SLC36A1: variants seen among roughly 807,000 people sequenced by gnomAD.
SLC36A1 encodes the protein proton-coupled amino acid transporter 1.
Under a neutral mutation model 47.5 loss-of-function variants are expected in SLC36A1, and 30 were observed. The observed-to-expected ratio is 0.63, with a 90% CI of 0.47 to 0.86. The LOEUF (loss-of-function observed/expected upper bound fraction) is 0.86. SLC36A1 is among the 40% of genes least tolerant of loss of function. The probability of loss-of-function intolerance (pLI) is 0.00; values close to 1 mark genes in which losing one functional copy is unlikely to be tolerated. For synonymous variants in SLC36A1, 255 were observed against 249.7 expected (o/e 1.02, Z -0.20); for missense variants, 517 against 606.0 (o/e 0.85, Z 1.54).
chr5:151,543,643 A>C, the SLC36A1 span: 1 of 1,614,072 alleles, frequency 6.2e-7, no homozygotes, highest in Non-Finnish European at 8.5e-7. Context: ...GGTTCCAACC[A>C]TTGCATTCTC....
chr5:151,405,606 GAACCTTTAGAGATAAGAA>G, the SLC36A1 span, among the ~76,000 whole-genome samples: 1,213 of 152,190 alleles, frequency 8.0e-3, 18 homozygotes, highest in East Asian at 0.032. Context: ...GAGCTAGTGT[GAACCTTTAGAGATAAGAA>G]AACCTTTAGA....
chr5:151,512,286 AG>A, the SLC36A1 span: 1 of 1,614,252 alleles, frequency 6.2e-7, no homozygotes, highest in Non-Finnish European at 8.5e-7. The surrounding 1 kb of genome is among the most constrained non-coding windows in gnomAD (Gnocchi z 4.1). Context: ...CCGTCTTGCC[AG>A]GGGCCAGCAG....
intron 7 of SLC36A1, among the ~76,000 whole-genome samples, chr5:151,468,298 A>T (rs1363972880): frequency 3.2e-5 from 2 of 62,814 alleles, no homozygotes; most frequent in African/African-American, 6.2e-5. Flanking sequence ...TATATATTTT[A>T]TATATATATA....
downstream of SLC36A1, among the ~76,000 whole-genome samples, chr5:151,494,620 A>G (rs986912304): frequency 9.2e-5 from 14 of 152,320 alleles, no homozygotes; most frequent in Middle Eastern, 0.01. Flanking sequence ...CCATGTTGTT[A>G]CATGTATCTG....
chr5:151,376,439 TATTTC>T, the SLC36A1 span, among the ~76,000 whole-genome samples: 1 of 152,176 alleles, frequency 6.6e-6, no homozygotes, highest in Non-Finnish European at 1.5e-5. Context: ...TAATCTTTAT[TATTTC>T]TTTTCATTTG....
At chr5:151,425,936 C>G in the SLC36A1 span, among the ~76,000 whole-genome samples, 1 of 152,044 alleles carries the variant, frequency 6.6e-6, no homozygotes, top group African/African-American at 2.4e-5. Flanking sequence ...CTCATGTATC[C>G]TTCCAGAGAT....
At chr5:151,529,105 C>T in the SLC36A1 span, 2 of 1,277,584 alleles carry the variant, frequency 1.6e-6, no homozygotes. Context: ...TCATAGATGG[C>T]TGGGTGTGGG....
chr5:151,510,208 C>T, the SLC36A1 span: 1 of 1,611,686 alleles, frequency 6.2e-7, no homozygotes, highest in Non-Finnish European at 8.5e-7. Context: ...AGAGACCGCA[C>T]TGGCCTAGCA....
At chr5:151,532,424 T>A in the SLC36A1 span, among the ~76,000 whole-genome samples, 3 of 151,456 alleles carry the variant, frequency 2.0e-5, no homozygotes, top group Admixed American at 2.0e-4. Flanking sequence ...CACACGCAAA[T>A]GAGTGCATAC....
chr5:151,439,835 G>A (rs996705142), intron 1 of SLC36A1, among the ~76,000 whole-genome samples: 7 of 152,186 alleles, frequency 4.6e-5, no homozygotes, highest in African/African-American at 1.4e-4. Flanking sequence ...TACTTTATAG[G>A]AGACACCCTC....
the SLC36A1 span, among the ~76,000 whole-genome samples, chr5:151,398,159 G>A: frequency 6.6e-6 from 1 of 151,910 alleles, no homozygotes; most frequent in Non-Finnish European, 1.5e-5. Context: ...ATTAACTGAC[G>A]CAGCAACCAT....
chr5:151,510,239 G>A, the SLC36A1 span: 11 of 1,556,070 alleles, frequency 7.1e-6, no homozygotes, highest in South Asian at 1.1e-4. Context: ...ACCTGGCATT[G>A]GCAGACTGGT....
intron 10 of SLC36A1, chr5:151,480,067 T>C: frequency 6.6e-7 from 1 of 1,507,034 alleles, no homozygotes; most frequent in Non-Finnish European, 8.8e-7. Flanking sequence ...GAGTGTAAGT[T>C]AAAAGACAGG....
intron 2 of SLC36A1, among the ~76,000 whole-genome samples, chr5:151,462,666 CTT>C (rs769677218): frequency 4.9e-5 from 7 of 142,772 alleles, no homozygotes; most frequent in Middle Eastern, 3.7e-3. Flanking sequence ...CCTGGCCTGA[CTT>C]TTTTTTTTTT....
At chr5:151,467,348 G>A in intron 6 of SLC36A1, 65 bp downstream of exon 6, 1 of 1,149,728 alleles carries the variant, frequency 8.7e-7, no homozygotes, top group Non-Finnish European at 1.3e-6. Context: ...AAAGATGATT[G>A]AAGTTTTTGT....
the SLC36A1 span, chr5:151,517,884 A>C: frequency 3.2e-6 from 4 of 1,247,794 alleles, no homozygotes; most frequent in Non-Finnish European, 4.5e-6. Context: ...TATTTTATAC[A>C]TGAAGAAACT....
At chr5:151,421,211 TCCTTCCTC>T in the SLC36A1 span, among the ~76,000 whole-genome samples, 1 of 124,014 alleles carries the variant, frequency 8.1e-6, no homozygotes, top group Non-Finnish European at 1.8e-5. Flanking sequence ...CTTCCTTCCT[TCCTTCCTC>T]CCTTTCTTTC....
At chr5:151,505,705 G>T in the SLC36A1 span, 1 of 1,613,980 alleles carries the variant, frequency 6.2e-7, no homozygotes, top group Non-Finnish European at 8.5e-7. Flanking sequence ...GGCCCAGCTC[G>T]GCTGAGGCGC....
intron 1 of SLC36A1, among the ~76,000 whole-genome samples, chr5:151,455,879 G>T (rs1754422140): frequency 6.6e-6 from 1 of 152,172 alleles, no homozygotes; most frequent in Non-Finnish European, 1.5e-5. Context: ...ATGGATTATT[G>T]ATGGGCTGTA....
Sources: gnomAD v4.1 joint callset for allele counts (sites outside exome capture counted in the v4.1 genomes callset) on GRCh38, gnomAD v4.1.1 for gene constraint, Gnocchi (gnomAD v3.1) non-coding constraint, MANE v1.5 for transcripts, NCBI Gene and HGNC (gene_info 2026-07-23, HGNC 2026-07-21) for gene names.